The following CADPS variants were observed in gnomAD, a reference collection of about 807,000 sequenced individuals.
CADPS encodes the protein calcium dependent secretion activator, also known as calcium-dependent secretion activator 1.
A neutral mutation model predicts 167.3 loss-of-function variants in CADPS; 57 were observed. The observed-to-expected ratio is 0.34, with a 90% CI of 0.28 to 0.42. The LOEUF is 0.42. Among genes scored for constraint, CADPS ranks in the 20% least tolerant of loss-of-function variants. The pLI is 1.00. For synonymous variants in CADPS, 676 were observed against 635.3 expected, an observed-to-expected ratio of 1.06 and a Z score of -0.96; for missense variants, 1,414 against 1,738.1, an observed-to-expected ratio of 0.81 and a Z score of 3.32.
intron 6 of CADPS, among the ~76,000 whole-genome samples, chr3:62,633,651 T>C (rs953614691): frequency 1.1e-4 from 17 of 152,262 alleles, no homozygotes; most frequent in East Asian, 9.7e-4. Context: ...CTCTTGGGGA[T>C]ATTTTGTGAC....
chr3:62,530,822 G>A (rs909832982), intron 13 of CADPS: 290 of 1,262,642 alleles, frequency 2.3e-4, no homozygotes, highest in Non-Finnish European at 2.9e-4. Context: ...ACTTTGGAGA[G>A]GGGGTGGTCG....
intron 21 of CADPS, among the ~76,000 whole-genome samples, chr3:62,488,630 C>G (rs2063204764): frequency 6.6e-6 from 1 of 152,028 alleles, no homozygotes; most frequent in Non-Finnish European, 1.5e-5. Context: ...GTAGTTTGGA[C>G]TACATGCTGT....
chr3:62,585,815 A>G (rs2084482075), intron 7 of CADPS, among the ~76,000 whole-genome samples: 1 of 152,254 alleles, frequency 6.6e-6, no homozygotes, highest in South Asian at 2.1e-4. Context: ...TGTGAGACTC[A>G]GGGAAGGAAA....
At chr3:62,843,644 G>A (rs1577191463) in intron 1 of CADPS, among the ~76,000 whole-genome samples, 1 of 152,212 alleles carries the variant, frequency 6.6e-6, no homozygotes, top group Non-Finnish European at 1.5e-5. Flanking sequence ...CTGCCTTATA[G>A]TACAAGACAG....
intron 8 of CADPS, among the ~76,000 whole-genome samples, chr3:62,583,752 T>C (rs773546667): frequency 3.1e-5 from 4 of 129,748 alleles, no homozygotes; most frequent in Non-Finnish European, 6.5e-5. Context: ...GACTGGTAGG[T>C]CTTTGTTTTT....
At chr3:62,546,127 A>AT (rs75526981) in intron 11 of CADPS, among the ~76,000 whole-genome samples, 3,421 of 143,514 alleles carry the variant, frequency 0.024, 64 homozygotes, top group African/African-American at 0.054. Context: ...GCAATACTTG[A>AT]TTTTTTTTTT....
chr3:62,416,663 C>T (rs756937689), intron 28 of CADPS, among the ~76,000 whole-genome samples: 11 of 152,240 alleles, frequency 7.2e-5, no homozygotes, highest in South Asian at 6.2e-4. Context: ...GACCAGCAGC[C>T]TCCCAGCTGC....
intron 11 of CADPS, among the ~76,000 whole-genome samples, chr3:62,538,571 A>G (rs1251848180): frequency 6.6e-6 from 1 of 152,138 alleles, no homozygotes; most frequent in African/African-American, 2.4e-5. Context: ...TAGATCAGGC[A>G]TTTTGGCTAG....
chr3:62,691,878 C>A (rs771277700), intron 3 of CADPS, among the ~76,000 whole-genome samples: 1 of 151,972 alleles, frequency 6.6e-6, no homozygotes, highest in South Asian at 2.1e-4. Flanking sequence ...CCATGGCACA[C>A]ATTTACCTGT....
intron 1 of CADPS, chr3:62,796,361 A>G (rs1459765698): frequency 2.0e-5 from 3 of 152,046 alleles, no homozygotes; most frequent in African/African-American, 7.2e-5. Flanking sequence ...CTCAAGTGAT[A>G]CTCCTGCCTT....
intron 2 of CADPS, among the ~76,000 whole-genome samples, chr3:62,759,617 G>T (rs149640265): frequency 1.5e-3 from 225 of 152,198 alleles, no homozygotes; most frequent in African/African-American, 5.0e-3. Context: ...AAAGAAGTGG[G>T]TCCTTAATAG....
At chr3:62,621,206 C>G (rs1459835662) in intron 6 of CADPS, among the ~76,000 whole-genome samples, 1 of 152,162 alleles carries the variant, frequency 6.6e-6, no homozygotes, top group African/African-American at 2.4e-5. Context: ...TTCTTGGAAA[C>G]TTGGTGCCAT....
chr3:62,820,818 T>TTTTG (rs2094879046), intron 1 of CADPS, among the ~76,000 whole-genome samples: 1 of 151,564 alleles, frequency 6.6e-6, no homozygotes, highest in Non-Finnish European at 1.5e-5. Flanking sequence ...TTCTGTCTTT[T>TTTTG]CGAGTCAGAG....
chr3:62,478,326 A>G lies in CADPS; in HGVS notation c.3264T>C (p.Phe1088=). 6.2e-7 allele frequency: 1 copy of G among 1,613,878 alleles called. No individual in the cohort carries two copies. The highest frequency in any genetic ancestry group is 8.5e-7 in the Non-Finnish European group (1 of 1,179,818). The change falls in exon 23 of 30, where the codon TTT becomes TTC. Residue 1088 remains phenylalanine (F), a synonymous_variant. Coordinates refer to ENST00000383710, the MANE Select transcript of CADPS (RefSeq NM_003716.4). This position sits in a 1 kb window ranked among gnomAD's most constrained non-coding sequence, Gnocchi z 5.7. Reference sequence around the variant, plus strand: ...TCAGCCGTTGTTCCAGGTGCTTTCCAAACTCTTCTTCAGGCCAGTGCAGGT... The same window carrying G: ...TCAGCCGTTGTTCCAGGTGCTTTCCGAACTCTTCTTCAGGCCAGTGCAGGT... ...IRDLHWPEEE[F]GKHLEQRLKL...
At chr3:62,723,226 G>A (rs900731968) in intron 3 of CADPS, among the ~76,000 whole-genome samples, 4 of 152,176 alleles carry the variant, frequency 2.6e-5, no homozygotes, top group Non-Finnish European at 5.9e-5. Flanking sequence ...ACCCAGCTGC[G>A]AGGAGGTAAT....
Position 62,592,628 on chromosome 3 carries a change from A to T in CADPS, c.1437+9T>A. On this transcript the variant is annotated intron_variant, in intron 7 of 29. Coordinates refer to ENST00000383710, the MANE Select transcript of CADPS (RefSeq NM_003716.4). ...CTGTGGAGTTCCCCTTGTGATAAGA[A>T]GTGCTTACCCGCCCAAGCTCCTTGT... 6.2e-7 allele frequency: 1 copy of T among 1,606,948 alleles called. No homozygotes were observed. The highest frequency in any genetic ancestry group is 8.5e-7 in the Non-Finnish European group (1 of 1,173,640).
At chr3:62,808,426 C>T (rs1255570773) in intron 1 of CADPS, among the ~76,000 whole-genome samples, 1 of 152,114 alleles carries the variant, frequency 6.6e-6, no homozygotes, top group East Asian at 1.9e-4. Flanking sequence ...TTAAAGTCTT[C>T]AGGGTCAAAG....
At chr3:62,637,846 C>T (rs560191412) in intron 6 of CADPS, among the ~76,000 whole-genome samples, 9 of 152,046 alleles carry the variant, frequency 5.9e-5, no homozygotes, top group Admixed American at 3.9e-4. Context: ...ATGAGAATAA[C>T]AATAGTACCT....
chr3:62,418,220 A>G (rs13097173), intron 28 of CADPS, among the ~76,000 whole-genome samples: 14,211 of 151,902 alleles, frequency 0.094, 751 homozygotes, highest in Non-Finnish European at 0.11. Context: ...TTTCATATGT[A>G]ATAAATTGGC....
Sources: gnomAD v4.1 joint callset for allele counts (sites outside exome capture counted in the v4.1 genomes callset) on GRCh38, gnomAD v4.1.1 for gene constraint, Gnocchi (gnomAD v3.1) non-coding constraint, MANE v1.5 for transcripts, NCBI Gene and HGNC (gene_info 2026-07-23, HGNC 2026-07-21) for gene names.